Variants in MICU2 observed in about 807,000 individuals in gnomAD.
MICU2 encodes mitochondrial calcium uptake 2.
In MICU2, 64 loss-of-function variants were observed where a neutral mutation model predicts 60.4. The ratio of observed to expected loss-of-function variants is 1.06; its 90% confidence interval spans 0.87 to 1.31. MICU2 has a LOEUF of 1.31. Ranked by LOEUF, MICU2 falls within the 50% of genes most tolerant of loss-of-function variation. The pLI is 0.00. For synonymous variants in MICU2, 201 were observed against 175.0 expected, an observed-to-expected ratio of 1.15 and a Z score of -1.17; for missense variants, 569 against 531.0, an observed-to-expected ratio of 1.07 and a Z score of -0.70.
chr13:21,560,623 AACAC>A (rs67873561), intron 2 of MICU2, among the ~76,000 whole-genome samples: 415 of 134,968 alleles, frequency 3.1e-3, no homozygotes, highest in East Asian at 0.012. Context: ...CTTGTCAAAA[AACAC>A]ACACACACAC....
chr13:21,550,890 G>A lies in MICU2; in HGVS notation c.359-11202C>T, dbSNP rs1455620958. 2.0e-5 allele frequency among the ~76,000 whole-genome samples: 3 copies of A among 152,206 alleles called. No homozygotes were observed. In the East Asian group the frequency reaches 5.8e-4, roughly 29 times the overall value. On this transcript the variant is annotated intron_variant, in intron 2 of 11. Transcript: ENST00000382374. ...CCCACAGACACAATACTACTAAGTGGTGGAGTCAGTATTCAAACTCACTTT... is the reference window on the plus strand; with the variant it reads ...CCCACAGACACAATACTACTAAGTGATGGAGTCAGTATTCAAACTCACTTT...
chr13:21,510,638 C>A (rs1045657275), intron 7 of MICU2, among the ~76,000 whole-genome samples: 4 of 152,028 alleles, frequency 2.6e-5, no homozygotes, highest in Non-Finnish European at 4.4e-5. Context: ...AAAGAAAAAA[C>A]CATCAGCAAC....
At chr13:21,575,670 C>T (rs1177476167) in intron 1 of MICU2, among the ~76,000 whole-genome samples, 1 of 135,732 alleles carries the variant, frequency 7.4e-6, no homozygotes, top group African/African-American at 2.8e-5. Context: ...GTCAAGGCTC[C>T]AGTGAGCCGA....
chr13:21,575,729 CAAAAAAAAAAAAAA>C (rs10557584), intron 1 of MICU2, among the ~76,000 whole-genome samples: 4 of 48,058 alleles, frequency 8.3e-5, no homozygotes, highest in African/African-American at 1.8e-4. Flanking sequence ...GACTCTGTCT[CAAAAAAAAAAAAAA>C]AAAAAAAAAA....
intron 1 of MICU2, among the ~76,000 whole-genome samples, chr13:21,597,006 A>G (rs1265303821): frequency 2.0e-5 from 3 of 152,216 alleles, no homozygotes; most frequent in Non-Finnish European, 2.9e-5. Flanking sequence ...AATTGAAATG[A>G]AAATATAATC....
chr13:21,529,573 G>C (rs1437709068), intron 4 of MICU2, among the ~76,000 whole-genome samples: 1 of 152,234 alleles, frequency 6.6e-6, no homozygotes, highest in Non-Finnish European at 1.5e-5. Flanking sequence ...GGAGGTGGAA[G>C]AGGGCCAATG....
intron 6 of MICU2, chr13:21,515,472 C>A (rs747572214): frequency 1.5e-5 from 5 of 340,542 alleles, no homozygotes; most frequent in South Asian, 4.7e-5. Flanking sequence ...TAAAGACTTA[C>A]ATTTCTACTA....
chr13:21,495,019 T>C, intron 11 of MICU2, 142 bp downstream of exon 11: 1 of 543,442 alleles, frequency 1.8e-6, no homozygotes, highest in East Asian at 3.0e-5. Context: ...ATATAAAATA[T>C]ATTTCTGTAT....
intron 1 of MICU2, among the ~76,000 whole-genome samples, chr13:21,569,121 G>A (rs929726590): frequency 6.6e-6 from 1 of 152,102 alleles, no homozygotes; most frequent in African/African-American, 2.4e-5. Flanking sequence ...CCGAGCTTGA[G>A]GCTGTCATTG....
At chr13:21,534,074 T>C (rs1441405001) in intron 4 of MICU2, among the ~76,000 whole-genome samples, 3 of 149,908 alleles carry the variant, frequency 2.0e-5, no homozygotes, top group Admixed American at 6.6e-5. Context: ...GGCGTGAGAC[T>C]GTCTAAAAAA....
At chr13:21,567,064 C>A in intron 1 of MICU2, 120 bp from the exon 2 acceptor site, 1 of 814,574 alleles carries the variant, frequency 1.2e-6, no homozygotes, top group Admixed American at 3.2e-5. Context: ...CTTTTAAAAT[C>A]ATTCATTTAA....
chr13:21,561,214 A>C, intron 2 of MICU2, among the ~76,000 whole-genome samples: 1 of 151,958 alleles, frequency 6.6e-6, no homozygotes, highest in East Asian at 1.9e-4. Context: ...TATGATCCCA[A>C]ATTTGGTCTA....
intron 2 of MICU2, among the ~76,000 whole-genome samples, chr13:21,547,492 T>C (rs1807051004): frequency 6.6e-6 from 1 of 152,190 alleles, no homozygotes; most frequent in Non-Finnish European, 1.5e-5. Context: ...CACTATATCA[T>C]GAATTCTATT....
intron 1 of MICU2, among the ~76,000 whole-genome samples, chr13:21,585,908 AT>A (rs1888446487): frequency 6.6e-6 from 1 of 152,232 alleles, no homozygotes; most frequent in African/African-American, 2.4e-5. Flanking sequence ...ACCATCTAGT[AT>A]TCTCTATTTT....
At chr13:21,550,074 G>T (rs909828010) in intron 2 of MICU2, among the ~76,000 whole-genome samples, 3 of 152,190 alleles carry the variant, frequency 2.0e-5, no homozygotes, top group East Asian at 3.8e-4. Flanking sequence ...AACAATGATT[G>T]TAAGGTCTAG....
At chr13:21,516,056 T>G (rs1886561817) in intron 6 of MICU2, among the ~76,000 whole-genome samples, 1 of 152,232 alleles carries the variant, frequency 6.6e-6, no homozygotes, top group Non-Finnish European at 1.5e-5. Flanking sequence ...CTTCAATAAT[T>G]ACCAGTATTC....
At chr13:21,599,079 C>T (rs189685427) in intron 1 of MICU2, among the ~76,000 whole-genome samples, 1 of 152,302 alleles carries the variant, frequency 6.6e-6, no homozygotes, top group Admixed American at 6.5e-5. Flanking sequence ...TAACTAATGC[C>T]TGATGATCTG....
chr13:21,589,489 G>A (rs1474523429), intron 1 of MICU2, among the ~76,000 whole-genome samples: 1 of 152,164 alleles, frequency 6.6e-6, no homozygotes, highest in African/African-American at 2.4e-5. Flanking sequence ...AAAGAAAGCT[G>A]TTAAGGAAAC....
rs748463277 is a variant in MICU2 at position 21,503,114 on chromosome 13, A to C, written c.762-17T>G. The C allele has an allele frequency of 9.0e-6, 14 of 1,563,764 alleles. No homozygotes were observed. Among genetic ancestry groups the C allele is most frequent in the Non-Finnish European group, 1.2e-5 (14 of 1,149,994 alleles). ...TCCATAAATCTGAATGTTAAAATAC[A>C]AAATTAGTAAGGTAACTAGTGGCAT... On this transcript the variant is annotated splice_polypyrimidine_tract_variant and intron_variant, in intron 8 of 11. Coordinates refer to ENST00000382374, the MANE Select transcript of MICU2 (RefSeq NM_152726.3).
Sources: allele counts gnomAD v4.1 joint callset (sites outside exome capture counted in the v4.1 genomes callset), GRCh38; gene constraint gnomAD v4.1.1; transcripts MANE v1.5; gene names NCBI Gene and HGNC (gene_info 2026-07-23, HGNC 2026-07-21).